Variants in FXYD6 observed in about 807,000 individuals in gnomAD.
FXYD6 encodes FXYD domain-containing ion transport regulator 6.
FXYD6 carries 7 observed loss-of-function variants against 16.7 expected under a neutral mutation model. That is an observed-to-expected ratio of 0.42 (90% CI 0.24 to 0.79). The LOEUF is 0.79. FXYD6 is among the 30% of genes least tolerant of loss of function. The pLI, the probability that FXYD6 is intolerant of heterozygous loss-of-function variation, is 0.28. For missense variants in FXYD6, 111 were observed against 116.2 expected (o/e 0.95, Z 0.21); for synonymous variants, 49 against 43.0 (o/e 1.14, Z -0.54).
chr11:117,853,492 T>TTTTTG (rs58459377), intron 1 of FXYD6, among the ~76,000 whole-genome samples: 2,817 of 152,130 alleles, frequency 0.019, 92 homozygotes, highest in African/African-American at 0.063. Context: ...CCAGTGCTAG[T>TTTTTG]TTTTGTTTTG....
chr11:117,874,054 G>A (rs1266232838), intron 1 of FXYD6, among the ~76,000 whole-genome samples: 1 of 152,150 alleles, frequency 6.6e-6, no homozygotes, highest in African/African-American at 2.4e-5. Context: ...CGAGGAGTTA[G>A]AAGGCCTCAG....
intron 1 of FXYD6, among the ~76,000 whole-genome samples, chr11:117,862,165 C>T (rs1565326577): frequency 6.6e-6 from 1 of 152,212 alleles, no homozygotes; most frequent in Non-Finnish European, 1.5e-5. Flanking sequence ...AGAGGCTGGC[C>T]CAGGGGCCAA....
At chr11:117,874,275 A>G (rs189651250) in intron 1 of FXYD6, among the ~76,000 whole-genome samples, 1 of 152,324 alleles carries the variant, frequency 6.6e-6, no homozygotes, top group East Asian at 1.9e-4. Flanking sequence ...TCCTCAGGTC[A>G]GTCTGAAGAT....
Position 117,837,864 on chromosome 11 carries a change from C to T in FXYD6, c.*435G>A, listed in dbSNP as rs957909260. ...CTAAATCAGGGGAGGGGGCTGGTCT[C>T]GGGCAACAAGCAGCCTCCTAGGAGC... On this transcript the variant is annotated 3_prime_UTR_variant, in exon 8 of 8. Coordinates refer to ENST00000526014, the MANE Select transcript of FXYD6 (RefSeq NM_022003.4). This position sits in a 1 kb window ranked among gnomAD's most constrained non-coding sequence, Gnocchi z 4.4. The T allele has an allele frequency of 5.4e-5, 16 of 294,984 alleles. No individual in the cohort carries two copies. Among genetic ancestry groups the T allele is most frequent in the Non-Finnish European group, 1.3e-5 (2 of 155,140 alleles). The allele number at this position is 294,984 out of a possible 1,614,324, so 18.3% of individuals were successfully genotyped here.
chr11:117,850,912 G>C (rs945020033), intron 1 of FXYD6, among the ~76,000 whole-genome samples: 5 of 151,788 alleles, frequency 3.3e-5, no homozygotes, highest in Non-Finnish European at 7.4e-5. Context: ...ATGTAAAAAA[G>C]ACCAAAAAAA....
Position 117,862,013 on chromosome 11 carries a change from A to T in FXYD6, c.-6+14579T>A, listed in dbSNP as rs565034620. Among the ~76,000 whole-genome samples the T allele has an allele frequency of 2.7e-4, 41 of 152,360 alleles. No individual in the cohort carries two copies. The South Asian group carries it at 2.7e-3, about 10-fold the overall frequency. On this transcript the variant is annotated intron_variant, in intron 1 of 7. Transcript: ENST00000526014. ...CAAACTGAGGGCACCCCCACGAGAG[A>T]CACAGAAGCAAGACAGACAGAGGAC...
rs2057102697 is a variant in FXYD6, at chr11:117,870,085, C to T, written c.-6+6507G>A. 6.6e-6 allele frequency among the ~76,000 whole-genome samples: 1 copy of T among 152,256 alleles called. No individual in the cohort carries two copies. Among genetic ancestry groups the T allele is most frequent in the South Asian group, 2.1e-4 (1 of 4,830 alleles). On this transcript the variant is annotated intron_variant, in intron 1 of 7. Transcript: ENST00000526014. The surrounding 1 kb of genome is among the most constrained non-coding windows in gnomAD (Gnocchi z 4.2). ...AACCGTGACACTGTGGCATCCCAGC[C>T]ATCACCCATGGACTTCTCACAACAG... is the stretch of plus-strand genomic sequence containing the variant.
Position 117,868,472 on chromosome 11 carries a change from A to G in FXYD6, c.-6+8120T>C, listed in dbSNP as rs116886641. 2.9e-4 allele frequency among the ~76,000 whole-genome samples: 44 copies of G among 152,242 alleles called. No homozygotes were observed. The East Asian group carries it at 5.0e-3, about 17-fold the overall frequency. The stretch of plus-strand genomic sequence containing the variant: ...ACAAATCCCAACAGGGCCACATCCT[A>G]CAATACACCTGACCAGTGACCCTCA... On this transcript the variant is annotated intron_variant, in intron 1 of 7. Coordinates refer to ENST00000526014, the MANE Select transcript of FXYD6 (RefSeq NM_022003.4).
At chr11:117,847,356 T>G (rs2056494388) in intron 1 of FXYD6, among the ~76,000 whole-genome samples, 1 of 152,054 alleles carries the variant, frequency 6.6e-6, no homozygotes, top group Admixed American at 6.6e-5. Flanking sequence ...TTTTAGAAAA[T>G]TATAGTTTTT....
At chr11:117,842,661 A>G in intron 2 of FXYD6, 58 bp downstream of exon 2, 3 of 1,516,458 alleles carry the variant, frequency 2.0e-6, no homozygotes, top group Non-Finnish European at 1.8e-6. Context: ...ACCTTCCAGC[A>G]GAGAGGGCTG....
At position 117,841,591 on chromosome 11, in the gene FXYD6, A is replaced by G. The variant is rs1280650865; in HGVS notation, c.172+200T>C. 7.9e-6 allele frequency: 5 copies of G among 630,558 alleles called. No individual in the cohort carries two copies. In the East Asian group the frequency reaches 1.4e-4, roughly 17 times the overall value. The allele number at this position is 630,558 out of a possible 1,614,324, so 39.1% of individuals were successfully genotyped here. ...CTATCTATGCTCATTGTCATATGAC[A>G]TTTTCTTTGTTCCCGTGTCACTGTT... On this transcript the variant is annotated intron_variant, in intron 4 of 7. Coordinates refer to ENST00000526014, the MANE Select transcript of FXYD6 (RefSeq NM_022003.4).
rs893611492 is a variant in FXYD6, at chr11:117,838,271, C to G, written c.*28G>C. On this transcript the variant is annotated 3_prime_UTR_variant, in exon 8 of 8. Coordinates refer to ENST00000526014, the MANE Select transcript of FXYD6 (RefSeq NM_022003.4). ...AAGGTTCAAGCAGCCGCCTCAGGTT[C>G]CAGAGGCTGAGGAGGAGGATAATTT... 2 of 702,572 alleles carry G rather than the reference C, an allele frequency of 2.8e-6. No homozygotes were observed. Among genetic ancestry groups the G allele is most frequent in the Admixed American group, 4.0e-5 (2 of 50,016 alleles). 43.5% of individuals were successfully genotyped at this position (702,572 alleles called of 1,614,324 possible). A position where few individuals can be genotyped will look rare whatever the true frequency, so the allele number is the denominator to read the frequency against.
rs751967177 is a variant in FXYD6, at chr11:117,851,373, G to A, written c.-5-8592C>T. On this transcript the variant is annotated intron_variant, in intron 1 of 7. Transcript: ENST00000526014. ...GGATATTCAGGCACCCCTGTGGAGAGGCCCATGTGGTGGCCTCACTCCAAA... is the reference window on the plus strand; with the variant it reads ...GGATATTCAGGCACCCCTGTGGAGAAGCCCATGTGGTGGCCTCACTCCAAA... 2.6e-5 allele frequency among the ~76,000 whole-genome samples: 4 copies of A among 152,188 alleles called. No individual in the cohort carries two copies. In the South Asian group the frequency reaches 6.2e-4, roughly 24 times the overall value.
At chr11:117,860,407 A>G (rs1374068462) in intron 1 of FXYD6, among the ~76,000 whole-genome samples, 3 of 152,230 alleles carry the variant, frequency 2.0e-5, no homozygotes, top group African/African-American at 7.2e-5. Flanking sequence ...GAGAGCCACA[A>G]TGCAGGGGCT....
chr11:117,863,883 T>C (rs1715822944), intron 1 of FXYD6, among the ~76,000 whole-genome samples: 1 of 151,990 alleles, frequency 6.6e-6, no homozygotes, highest in Non-Finnish European at 1.5e-5. Flanking sequence ...GAATAAAATA[T>C]TTAGAAATTA....
At chr11:117,847,826 C>T (rs181128228) in intron 1 of FXYD6, among the ~76,000 whole-genome samples, 4 of 152,232 alleles carry the variant, frequency 2.6e-5, no homozygotes, top group South Asian at 2.1e-4. Context: ...AATAAACATA[C>T]GTGTGCATGT....
At chr11:117,846,313 A>C (rs1310479452) in intron 1 of FXYD6, among the ~76,000 whole-genome samples, 1 of 152,100 alleles carries the variant, frequency 6.6e-6, no homozygotes, top group Non-Finnish European at 1.5e-5. Context: ...TGAATACTAA[A>C]CCTTTGTCAT....
In FXYD6 at chr11:117,870,494, C is replaced by G. The variant is rs543884042; in HGVS notation, c.-6+6098G>C. Among the ~76,000 whole-genome samples, 9 of 152,340 alleles carry G rather than the reference C, an allele frequency of 5.9e-5. No homozygotes were observed. Among genetic ancestry groups the G allele is most frequent in the Middle Eastern group, 3.4e-3 (1 of 294 alleles). On this transcript the variant is annotated intron_variant, in intron 1 of 7. Transcript: ENST00000526014. The surrounding 1 kb of genome is among the most constrained non-coding windows in gnomAD (Gnocchi z 4.2). ...GCCAGGAACCCAGAAGCCAGGCCCA[C>G]GCCACCCTGCCCACAGCCAGGCCAC... is the stretch of plus-strand genomic sequence containing the variant.
chr11:117,845,076 A>G (rs1038090604), intron 1 of FXYD6, among the ~76,000 whole-genome samples: 3 of 152,248 alleles, frequency 2.0e-5, no homozygotes, highest in African/African-American at 7.2e-5. Context: ...AAACTTATGC[A>G]TTCGTCACCA....
Sources: gnomAD v4.1 joint callset for allele counts (sites outside exome capture counted in the v4.1 genomes callset) on GRCh38, gnomAD v4.1.1 for gene constraint, Gnocchi (gnomAD v3.1) non-coding constraint, MANE v1.5 for transcripts, NCBI Gene and HGNC (gene_info 2026-07-23, HGNC 2026-07-21) for gene names.